UBE2E2: variants seen among roughly 807,000 people sequenced by gnomAD.
The protein encoded by UBE2E2 is ubiquitin-conjugating enzyme E2 E2.
A neutral mutation model predicts 24.7 loss-of-function variants in UBE2E2; 6 were observed. The observed-to-expected ratio is 0.24, with a 90% CI of 0.13 to 0.48. UBE2E2 has a LOEUF of 0.48. UBE2E2 is among the 20% of genes least tolerant of loss of function. The pLI is 0.99. For missense variants in UBE2E2, 169 were observed against 245.0 expected (o/e 0.69, Z 2.07); for synonymous variants, 104 against 83.6 (o/e 1.24, Z -1.33).
chr3:23,401,219 C>G lies in UBE2E2; in HGVS notation c.228-98389C>G, dbSNP rs576691692. Among the ~76,000 whole-genome samples, 7 of 152,212 alleles carry G rather than the reference C, an allele frequency of 4.6e-5. No homozygotes were observed. In the Middle Eastern group the frequency reaches 0.014, roughly 296 times the overall value. On this transcript the variant is annotated intron_variant, in intron 3 of 5. Transcript: ENST00000396703. ...AGGTAACAGGAGAAAGATCAAGAAG[C>G]TAGTAGAGTATGGTGAAAAGGTAAG...
At chr3:23,285,277 A>G (rs1331029410) in intron 3 of UBE2E2, among the ~76,000 whole-genome samples, 1 of 152,096 alleles carries the variant, frequency 6.6e-6, no homozygotes, top group East Asian at 1.9e-4. Flanking sequence ...CCACTTGTCT[A>G]TTGATGAACA....
At chr3:23,549,728 G>A (rs1695601502) in intron 5 of UBE2E2, among the ~76,000 whole-genome samples, 2 of 152,038 alleles carry the variant, frequency 1.3e-5, no homozygotes, top group Admixed American at 6.6e-5. Context: ...CCTCGCCTTT[G>A]AGATGTCTAA....
intron 3 of UBE2E2, among the ~76,000 whole-genome samples, chr3:23,234,872 A>T (rs1216472205): frequency 6.6e-6 from 1 of 152,188 alleles, no homozygotes; most frequent in African/African-American, 2.4e-5. Flanking sequence ...TAGGTTCAAA[A>T]TGGTATTGGG....
chr3:23,383,863 A>G (rs1027377950), intron 3 of UBE2E2, among the ~76,000 whole-genome samples: 1 of 151,684 alleles, frequency 6.6e-6, no homozygotes, highest in Non-Finnish European at 1.5e-5. Flanking sequence ...GGGAAATAGT[A>G]TATCCATCAA....
At chr3:23,553,460 C>T (rs1695699349) in intron 5 of UBE2E2, among the ~76,000 whole-genome samples, 3 of 152,018 alleles carry the variant, frequency 2.0e-5, no homozygotes, top group South Asian at 2.1e-4. Flanking sequence ...TTGTTTTGGT[C>T]GATGATATTT....
At chr3:23,529,386 T>C (rs573741665) in intron 4 of UBE2E2, among the ~76,000 whole-genome samples, 12 of 152,212 alleles carry the variant, frequency 7.9e-5, no homozygotes, top group Non-Finnish European at 1.8e-4. Flanking sequence ...TGGGGAAAAT[T>C]GAGTGAAAAA....
chr3:23,544,361 A>G (rs556602043), intron 5 of UBE2E2, among the ~76,000 whole-genome samples: 2 of 152,192 alleles, frequency 1.3e-5, no homozygotes, highest in South Asian at 4.1e-4. Context: ...CAGCAAGAAA[A>G]AAACAGTCCC....
At chr3:23,457,333 A>G (rs1698701125) in intron 3 of UBE2E2, among the ~76,000 whole-genome samples, 1 of 152,208 alleles carries the variant, frequency 6.6e-6, no homozygotes, top group Non-Finnish European at 1.5e-5. Context: ...TTGAAATAAC[A>G]AAAGCTCAAG....
intron 3 of UBE2E2, among the ~76,000 whole-genome samples, chr3:23,272,536 C>T (rs977220245): frequency 6.6e-6 from 1 of 152,232 alleles, no homozygotes; most frequent in African/African-American, 2.4e-5. Flanking sequence ...CGAGCGAGGG[C>T]CGCCAGCACG....
chr3:23,558,008 C>T (rs1695831025), intron 5 of UBE2E2, among the ~76,000 whole-genome samples: 1 of 152,322 alleles, frequency 6.6e-6, no homozygotes, highest in Non-Finnish European at 1.5e-5. Context: ...GGCTGTCTTA[C>T]TGCGTTTCTC....
chr3:23,481,273 C>G (rs1178193460), intron 3 of UBE2E2, among the ~76,000 whole-genome samples: 5 of 152,240 alleles, frequency 3.3e-5, no homozygotes, highest in African/African-American at 1.2e-4. Flanking sequence ...AAATGCTACT[C>G]TATCCCGTCC....
At position 23,441,132 on chromosome 3, in the gene UBE2E2, C is replaced by T. The variant is rs191714883; in HGVS notation, c.228-58476C>T. Among the ~76,000 whole-genome samples, 111 of 152,186 alleles carry T rather than the reference C, an allele frequency of 7.3e-4. 2 individuals are homozygous for T. Among genetic ancestry groups the T allele is most frequent in the Non-Finnish European group, 1.5e-3 (99 of 68,012 alleles). On this transcript the variant is annotated intron_variant, in intron 3 of 5. Transcript: ENST00000396703. ...AATCATTTGACCTGGTGTTGTGTCA[C>T]TTGGGTATTCTGAAGCATCAGATGA... is the stretch of plus-strand genomic sequence containing the variant.
intron 3 of UBE2E2, among the ~76,000 whole-genome samples, chr3:23,354,351 C>G (rs1342190700): frequency 6.6e-6 from 1 of 152,066 alleles, no homozygotes; most frequent in Non-Finnish European, 1.5e-5. Flanking sequence ...TCTAAAACAC[C>G]AAAAGCAATG....
intron 5 of UBE2E2, among the ~76,000 whole-genome samples, chr3:23,554,461 G>T (rs967965350): frequency 6.6e-6 from 1 of 152,090 alleles, no homozygotes; most frequent in Admixed American, 6.6e-5. Flanking sequence ...GTCACAGTGA[G>T]CTATGATCAC....
At chr3:23,527,933 G>T (rs1214376106) in intron 4 of UBE2E2, among the ~76,000 whole-genome samples, 2 of 151,858 alleles carry the variant, frequency 1.3e-5, no homozygotes, top group African/African-American at 2.4e-5. Context: ...TAAGTAAAAC[G>T]CATTTATGGA....
intron 3 of UBE2E2, among the ~76,000 whole-genome samples, chr3:23,391,037 A>G (rs1696922067): frequency 6.6e-6 from 1 of 152,174 alleles, no homozygotes; most frequent in Non-Finnish European, 1.5e-5. Flanking sequence ...ATGAAATGCT[A>G]TTTGTTTTAC....
chr3:23,370,724 G>T (rs894188189), intron 3 of UBE2E2, among the ~76,000 whole-genome samples: 2 of 152,298 alleles, frequency 1.3e-5, no homozygotes, highest in Admixed American at 6.5e-5. Context: ...ACCAGTGGTG[G>T]AGCTAGATCT....
chr3:23,437,578 T>C (rs2125405433), intron 3 of UBE2E2, among the ~76,000 whole-genome samples: 1 of 152,314 alleles, frequency 6.6e-6, no homozygotes, highest in South Asian at 2.1e-4. Flanking sequence ...AGAAGTAGTG[T>C]AAAACGTAAG....
chr3:23,529,705 C>T (rs541603084), intron 4 of UBE2E2, among the ~76,000 whole-genome samples: 18 of 152,224 alleles, frequency 1.2e-4, no homozygotes, highest in South Asian at 4.1e-4. Context: ...AAATTGGGAT[C>T]GTAAAAATAT....
Sources: gnomAD v4.1 joint callset for allele counts (sites outside exome capture counted in the v4.1 genomes callset) on GRCh38, gnomAD v4.1.1 for gene constraint, MANE v1.5 for transcripts, NCBI Gene and HGNC (gene_info 2026-07-23, HGNC 2026-07-21) for gene names.